Variants in GPHN observed in about 807,000 individuals in gnomAD.
The protein encoded by GPHN is gephyrin.
Under a neutral mutation model 95.5 loss-of-function variants are expected in GPHN, and 17 were observed. The observed-to-expected ratio is 0.18, with a 90% CI of 0.12 to 0.27. The LOEUF (loss-of-function observed/expected upper bound fraction) is 0.27. Among genes scored for constraint, GPHN ranks in the 10% least tolerant of loss-of-function variants. The probability of loss-of-function intolerance (pLI) is 1.00; values close to 1 mark genes in which losing one functional copy is unlikely to be tolerated. For missense variants in GPHN, 660 were observed against 978.1 expected (o/e 0.67, Z 4.34); for synonymous variants, 320 against 322.5 (o/e 0.99, Z 0.08).
At chr14:67,659,714 A>T in the GPHN span, 19 of 1,573,274 alleles carry the variant, frequency 1.2e-5, no homozygotes, top group Admixed American at 2.0e-5. Context: ...AAAACAAACA[A>T]AACAGCTAAA....
chr14:66,617,863 G>C (rs902061089), intron 1 of GPHN, among the ~76,000 whole-genome samples: 2 of 152,082 alleles, frequency 1.3e-5, no homozygotes, highest in Non-Finnish European at 2.9e-5. Context: ...CAATCACTTA[G>C]CTGAGATATA....
At chr14:66,809,223 G>A (rs1455255383) in intron 3 of GPHN, among the ~76,000 whole-genome samples, 1 of 152,162 alleles carries the variant, frequency 6.6e-6, no homozygotes, top group Non-Finnish European at 1.5e-5. Context: ...GGTGAATGAT[G>A]ATAAAAATAA....
chr14:67,302,085 A>G, the GPHN span: 1 of 1,607,788 alleles, frequency 6.2e-7, no homozygotes, highest in Admixed American at 1.7e-5. Flanking sequence ...CTGTAAAAAT[A>G]GTTCGTATAG....
intron 4 of GPHN, among the ~76,000 whole-genome samples, chr14:66,860,894 T>A (rs1275043701): frequency 6.6e-6 from 1 of 151,510 alleles, no homozygotes; most frequent in East Asian, 1.9e-4. Flanking sequence ...TACAAAAAAA[T>A]ATATAAAGCA....
chr14:66,837,336 T>C (rs981756428), intron 4 of GPHN, among the ~76,000 whole-genome samples: 1 of 150,060 alleles, frequency 6.7e-6, no homozygotes, highest in Non-Finnish European at 1.5e-5. Context: ...CAGTAAACTA[T>C]CGCAAGAACA....
At chr14:67,713,149 T>A in the GPHN span, among the ~76,000 whole-genome samples, 1 of 152,026 alleles carries the variant, frequency 6.6e-6, no homozygotes, top group Admixed American at 6.5e-5. Flanking sequence ...CAGCTTTTTG[T>A]TAACTTTAGC....
At chr14:67,672,949 G>C in the GPHN span, among the ~76,000 whole-genome samples, 6 of 152,136 alleles carry the variant, frequency 3.9e-5, no homozygotes, top group Admixed American at 1.3e-4. Flanking sequence ...AACACACCAA[G>C]CTCATTTCTG....
the GPHN span, chr14:67,685,173 AG>A: frequency 8.1e-6 from 13 of 1,614,116 alleles, no homozygotes; most frequent in Non-Finnish European, 1.1e-5. Context: ...GGACTGTGCC[AG>A]GGTGTACAGA....
chr14:67,248,570 C>T, the GPHN span, among the ~76,000 whole-genome samples: 1 of 152,156 alleles, frequency 6.6e-6, no homozygotes, highest in Non-Finnish European at 1.5e-5. Context: ...TAGTCTCAAA[C>T]ACCCTCAAAG....
At chr14:67,476,842 G>C in the GPHN span, among the ~76,000 whole-genome samples, 1 of 151,886 alleles carries the variant, frequency 6.6e-6, no homozygotes, top group Non-Finnish European at 1.5e-5. Flanking sequence ...ATGCTCGATA[G>C]TGGCTGGGCA....
chr14:66,597,368 G>C (rs959466341), intron 1 of GPHN, among the ~76,000 whole-genome samples: 2 of 152,176 alleles, frequency 1.3e-5, no homozygotes, highest in Non-Finnish European at 2.9e-5. Context: ...GTTCACAAGA[G>C]CAAGCTGGGT....
the GPHN span, among the ~76,000 whole-genome samples, chr14:67,675,557 GTAATTCTCCTCGTGGAGAC>G: frequency 1.4e-5 from 2 of 145,398 alleles, no homozygotes; most frequent in African/African-American, 2.4e-5. Context: ...CTAGGCCCGA[GTAATTCTCCTCGTGGAGAC>G]TAATTCTCCT....
chr14:66,561,306 A>G (rs542676693), intron 1 of GPHN, among the ~76,000 whole-genome samples: 1 of 152,186 alleles, frequency 6.6e-6, no homozygotes, highest in Non-Finnish European at 1.5e-5. Flanking sequence ...GAATAGTTTC[A>G]GAAGGAATGG....
chr14:67,700,220 A>C, the GPHN span, among the ~76,000 whole-genome samples: 2 of 152,228 alleles, frequency 1.3e-5, no homozygotes, highest in African/African-American at 4.8e-5. Flanking sequence ...GAAAGTAAAC[A>C]AGGAAACTTG....
At chr14:67,043,890 C>T (rs570861054) in intron 10 of GPHN, among the ~76,000 whole-genome samples, 7 of 152,254 alleles carry the variant, frequency 4.6e-5, no homozygotes, top group South Asian at 2.1e-4. Context: ...TAATTACTGC[C>T]TCAATTTCAG....
intron 1 of GPHN, among the ~76,000 whole-genome samples, chr14:66,514,703 T>G (rs1187273177): frequency 6.6e-6 from 1 of 152,124 alleles, no homozygotes; most frequent in East Asian, 1.9e-4. Context: ...TTTAGAAATT[T>G]TTGTGACATT....
the GPHN span, among the ~76,000 whole-genome samples, chr14:67,214,405 C>G: frequency 1.6e-4 from 24 of 152,314 alleles, no homozygotes; most frequent in African/African-American, 5.5e-4. Context: ...TTTCCCAGCA[C>G]CGTTTATTAA....
the GPHN span, chr14:67,292,622 A>C: frequency 6.2e-7 from 1 of 1,613,764 alleles, no homozygotes; most frequent in South Asian, 1.1e-5. Flanking sequence ...AAGGATTTCC[A>C]GAATGCATTT....
At chr14:66,810,299 A>G (rs1417216611) in intron 3 of GPHN, among the ~76,000 whole-genome samples, 3 of 151,912 alleles carry the variant, frequency 2.0e-5, no homozygotes, top group African/African-American at 7.2e-5. Flanking sequence ...CTTGAAAACC[A>G]GACCTCTGTA....
Sources: gnomAD v4.1 joint callset for allele counts (sites outside exome capture counted in the v4.1 genomes callset) on GRCh38, gnomAD v4.1.1 for gene constraint, MANE v1.5 for transcripts, NCBI Gene and HGNC (gene_info 2026-07-23, HGNC 2026-07-21) for gene names.